Variants in PLEKHA7 observed in about 807,000 individuals in gnomAD.
PLEKHA7 encodes the protein pleckstrin homology domain containing A7.
PLEKHA7 carries 104 observed loss-of-function variants against 170.0 expected under a neutral mutation model. That is an observed-to-expected ratio of 0.61 (90% confidence interval 0.52 to 0.72). PLEKHA7 has a LOEUF of 0.72. PLEKHA7 is among the 30% of genes least tolerant of loss of function. PLEKHA7 has a pLI of 0.00. For missense variants in PLEKHA7, 1,615 were observed against 1,671.7 expected, an observed-to-expected ratio of 0.97 and a Z score of 0.59; for synonymous variants, 648 against 660.8, an observed-to-expected ratio of 0.98 and a Z score of 0.30.
chr11:16,891,324 G>A (rs117633391), intron 3 of PLEKHA7, among the ~76,000 whole-genome samples: 9 of 152,184 alleles, frequency 5.9e-5, no homozygotes, highest in African/African-American at 2.2e-4. Flanking sequence ...AAAGGGTAGA[G>A]AGCCATATGA....
intron 3 of PLEKHA7, among the ~76,000 whole-genome samples, chr11:16,924,831 T>C (rs1859382992): frequency 1.3e-5 from 2 of 152,326 alleles, no homozygotes; most frequent in South Asian, 4.1e-4. Context: ...TTAACTTGCC[T>C]ACCTAGGAGC....
At chr11:16,860,152 G>C (rs957571283) in intron 4 of PLEKHA7, among the ~76,000 whole-genome samples, 7 of 152,222 alleles carry the variant, frequency 4.6e-5, no homozygotes, top group African/African-American at 1.7e-4. Flanking sequence ...CAGCTGGAAA[G>C]TGACTTGATT....
intron 9 of PLEKHA7, among the ~76,000 whole-genome samples, chr11:16,840,089 T>C (rs1475958518): frequency 6.6e-6 from 1 of 152,146 alleles, no homozygotes; most frequent in East Asian, 1.9e-4. Context: ...ATGACAATGC[T>C]GGAAGTAGAG....
intron 15 of PLEKHA7, 50 bp downstream of exon 15, chr11:16,802,922 G>T: frequency 6.9e-7 from 1 of 1,441,354 alleles, no homozygotes; most frequent in Non-Finnish European, 9.8e-7. Context: ...AGAAAGACAG[G>T]ACAAAATGTC....
chr11:16,890,543 C>G (rs1856541689), intron 3 of PLEKHA7, among the ~76,000 whole-genome samples: 1 of 152,122 alleles, frequency 6.6e-6, no homozygotes, highest in South Asian at 2.1e-4. Flanking sequence ...ATAAAGCAAA[C>G]AAATTGAGAC....
intron 3 of PLEKHA7, among the ~76,000 whole-genome samples, chr11:17,005,529 C>T (rs1416739084): frequency 1.3e-5 from 2 of 151,950 alleles, no homozygotes. Flanking sequence ...AAAACTCTGT[C>T]TCAAAACAAA....
At chr11:17,000,255 T>A (rs1406265964) in intron 3 of PLEKHA7, among the ~76,000 whole-genome samples, 2 of 152,038 alleles carry the variant, frequency 1.3e-5, no homozygotes, top group Non-Finnish European at 2.9e-5. Context: ...CAACTAATTT[T>A]TTTTGTTTTT....
At chr11:16,922,057 T>C (rs1859134524) in intron 3 of PLEKHA7, among the ~76,000 whole-genome samples, 1 of 152,200 alleles carries the variant, frequency 6.6e-6, no homozygotes, top group African/African-American at 2.4e-5. Context: ...CAAGGCCTCT[T>C]TGAATATCTG....
At chr11:16,856,701 A>G (rs573368657) in intron 4 of PLEKHA7, among the ~76,000 whole-genome samples, 4 of 152,304 alleles carry the variant, frequency 2.6e-5, no homozygotes, top group African/African-American at 9.6e-5. Context: ...ACCTGCTTCC[A>G]CAGATCCCCA....
In PLEKHA7 at chr11:16,794,501, G is replaced by T; in HGVS notation, c.2732C>A (p.Ala911Glu). Residue 911 changes from alanine to glutamate, a missense_variant, in exon 19 of 27, where the codon GCG becomes GAG. By Grantham distance (107) the Ala-to-Glu change is moderately radical. Coordinates refer to ENST00000531066, the MANE Select transcript of PLEKHA7 (RefSeq NM_001329630.2). The part of the protein sequence containing the change: ...VTSPLQSPTK[A>E]KPKVEDEAPP... Reference sequence around the variant, plus strand: ...ATCACTACTTACAACTTTGGGCTTCGCCTTAGTTGGTGACTGAAGGGGGGA... The same window carrying T: ...ATCACTACTTACAACTTTGGGCTTCTCCTTAGTTGGTGACTGAAGGGGGGA... 1 of 1,613,620 alleles carries T rather than the reference G, an allele frequency of 6.2e-7. No individual in the cohort carries two copies. The highest frequency in any genetic ancestry group is 8.5e-7 in the Non-Finnish European group (1 of 1,179,800).
intron 3 of PLEKHA7, among the ~76,000 whole-genome samples, chr11:16,908,053 T>A (rs1160858522): frequency 1.3e-5 from 2 of 151,858 alleles, no homozygotes; most frequent in East Asian, 3.9e-4. Flanking sequence ...GTTAAACAGA[T>A]GCTTGAAGGC....
intron 3 of PLEKHA7, among the ~76,000 whole-genome samples, chr11:16,901,833 C>T (rs546837562): frequency 1.1e-4 from 17 of 152,180 alleles, no homozygotes; most frequent in Non-Finnish European, 4.4e-5. Flanking sequence ...TCACACAGTG[C>T]ACTCCGGCCT....
chr11:16,930,307 A>T (rs1360220140), intron 3 of PLEKHA7, among the ~76,000 whole-genome samples: 1 of 151,374 alleles, frequency 6.6e-6, no homozygotes, highest in Non-Finnish European at 1.5e-5. Flanking sequence ...GTAGATGGGC[A>T]TGGTGGCACC....
At chr11:16,990,315 A>C (rs1863972989) in intron 3 of PLEKHA7, among the ~76,000 whole-genome samples, 1 of 127,144 alleles carries the variant, frequency 7.9e-6, no homozygotes, top group African/African-American at 3.1e-5. Context: ...CCCTGTTCCC[A>C]GGTAATCAGT....
At chr11:17,013,852 T>G (rs1213755125) in intron 3 of PLEKHA7, 137 bp downstream of exon 3, 4 of 1,049,658 alleles carry the variant, frequency 3.8e-6, no homozygotes, top group Non-Finnish European at 5.1e-6. Context: ...CACAAAACGT[T>G]GAGTGTGGCC....
At chr11:16,989,047 T>C (rs1352097095) in intron 3 of PLEKHA7, among the ~76,000 whole-genome samples, 1 of 152,130 alleles carries the variant, frequency 6.6e-6, no homozygotes, top group East Asian at 1.9e-4. Flanking sequence ...CTCAAAGGGG[T>C]GACCCATGAA....
At chr11:16,797,037 C>T (rs1848279684) in intron 17 of PLEKHA7, among the ~76,000 whole-genome samples, 1 of 151,768 alleles carries the variant, frequency 6.6e-6, no homozygotes, top group South Asian at 2.1e-4. Context: ...AATAAGAGTA[C>T]AATTTTTATA....
chr11:16,808,120 C>A (rs534960889), intron 13 of PLEKHA7, among the ~76,000 whole-genome samples: 1 of 152,220 alleles, frequency 6.6e-6, no homozygotes, highest in Non-Finnish European at 1.5e-5. Context: ...GTCTGAGGAT[C>A]ACATTTTGAG....
chr11:17,002,545 G>A (rs989928250), intron 3 of PLEKHA7, among the ~76,000 whole-genome samples: 1 of 152,206 alleles, frequency 6.6e-6, no homozygotes, highest in African/African-American at 2.4e-5. Context: ...GGGGCCTTGG[G>A]AAGATCTATT....
Sources: gnomAD v4.1 joint callset for allele counts (sites outside exome capture counted in the v4.1 genomes callset) on GRCh38, gnomAD v4.1.1 for gene constraint, MANE v1.5 for transcripts, NCBI Gene and HGNC (gene_info 2026-07-23, HGNC 2026-07-21) for gene names.